The following POLQ variants were observed in gnomAD, a reference collection of about 807,000 sequenced individuals.
POLQ encodes the protein epididymis secretory sperm binding protein.
In POLQ, 233 loss-of-function variants were observed where a neutral mutation model predicts 259.2. The observed-to-expected ratio is 0.90, with a 90% CI of 0.81 to 1.00. The LOEUF is 1.00. Among genes scored for constraint, POLQ ranks in the 50% least tolerant of loss-of-function variants. The pLI, the probability that POLQ is intolerant of heterozygous loss-of-function variation, is 0.00. For missense variants in POLQ, 2,871 were observed against 3,051.6 expected, an observed-to-expected ratio of 0.94 and a Z score of 1.39; for synonymous variants, 1,025 against 1,048.8, an observed-to-expected ratio of 0.98 and a Z score of 0.44.
chr3:121,460,488 T>G (rs2047783138), intron 24 of POLQ, among the ~76,000 whole-genome samples: 1 of 152,058 alleles, frequency 6.6e-6, no homozygotes, highest in Non-Finnish European at 1.5e-5. Context: ...CACCGTGGAG[T>G]GTGTTCCTCA....
At chr3:121,449,550 C>CTTT in intron 25 of POLQ, 124 bp from the exon 26 acceptor site, 1 of 679,716 alleles carries the variant, frequency 1.5e-6, no homozygotes. Flanking sequence ...GATTAGATTG[C>CTTT]TTTTGGTGGG....
At chr3:121,479,362 A>ATGTGTGTGTGTGTG (rs71133538) in intron 19 of POLQ, among the ~76,000 whole-genome samples, 12 of 142,696 alleles carry the variant, frequency 8.4e-5, no homozygotes, top group East Asian at 2.1e-4. Flanking sequence ...AAAAAAAAAA[A>ATGTGTGTGTGTGTG]TGTGTGTGTG....
In POLQ at chr3:121,485,184, G is replaced by A. The variant is rs746854414; in HGVS notation, c.5630C>T (p.Ala1877Val). 19 of 1,573,312 alleles carry A rather than the reference G, an allele frequency of 1.2e-5. No individual in the cohort carries two copies. The African/African-American group carries it at 1.9e-4, about 16-fold the overall frequency. ...TATIGSRFKQ[A>V]SSPQEIPIRD... ...AATAGGAATTTCCTGAGGTGAGCTA[G>A]CTAAGTAAAACAAAAGTGAAACAGT... Residue 1877 changes from alanine to valine, a missense_variant and splice_region_variant, in exon 17 of 30, where the codon GCT becomes GTT. By Grantham distance (64) the Ala-to-Val change is moderately conservative. This residue lies in a region of POLQ where 2,080 missense variants were observed against 2,126.0 expected (regional missense o/e 0.98). Transcript: ENST00000264233.
intron 26 of POLQ, among the ~76,000 whole-genome samples, chr3:121,446,586 T>C (rs1165155544): frequency 6.6e-6 from 1 of 152,194 alleles, no homozygotes; most frequent in Non-Finnish European, 1.5e-5. Context: ...GCTCTAATGA[T>C]ATTTGCTTTA....
chr3:121,487,336 A>G lies in POLQ; in HGVS notation c.5595T>C (p.Ser1865=), dbSNP rs1445206227. The G allele has an allele frequency of 1.9e-6, 3 of 1,608,266 alleles. No homozygotes were observed. The highest frequency in any genetic ancestry group is 1.7e-5 in the Admixed American group (1 of 58,834). Residue 1865 remains serine (S), a synonymous_variant, in exon 16 of 30, where the codon TCT becomes TCC. Transcript: ENST00000264233. ...ACCTACTGCCAATAGTAGCAGTTTT[A>G]GAAGATGTCAAACTTCTAATCTTTT... ...ACEKIRSLTS[S]KTATIGSRFK... is the part of the protein sequence containing the mutation.
chr3:121,515,053 CA>C (rs2048285148), intron 9 of POLQ, among the ~76,000 whole-genome samples: 1 of 152,176 alleles, frequency 6.6e-6, no homozygotes, highest in Non-Finnish European at 1.5e-5. Context: ...TGTATTTTTG[CA>C]AAGTGCAGGG....
At chr3:121,522,987 C>T (rs754342856) in intron 7 of POLQ, among the ~76,000 whole-genome samples, 11 of 152,084 alleles carry the variant, frequency 7.2e-5, no homozygotes, top group Non-Finnish European at 1.5e-4. Flanking sequence ...TTAAATAGTA[C>T]CCTCTGTTTT....
In POLQ at chr3:121,473,026, C is replaced by T. The variant is rs368965323; in HGVS notation, c.6543+324G>A. Reference sequence around the variant, plus strand: ...ATCCCTTGAGGTCAGGAGTTCAAGACCAGCCTGGCCAACATGGTGAAACCC... The same window carrying T: ...ATCCCTTGAGGTCAGGAGTTCAAGATCAGCCTGGCCAACATGGTGAAACCC... On this transcript the variant is annotated intron_variant, in intron 21 of 29. Coordinates refer to ENST00000264233, the MANE Select transcript of POLQ (RefSeq NM_199420.4). 4.6e-5 allele frequency among the ~76,000 whole-genome samples: 7 copies of T among 152,294 alleles called. 1 individual carries two copies. The highest frequency in any genetic ancestry group is 1.4e-4 in the African/African-American group (6 of 41,566).
chr3:121,523,377 C>A (rs1287838815), intron 7 of POLQ, among the ~76,000 whole-genome samples: 1 of 152,050 alleles, frequency 6.6e-6, no homozygotes, highest in Admixed American at 6.6e-5. Context: ...TAAAAATTTT[C>A]CAGACTTTTG....
intron 25 of POLQ, among the ~76,000 whole-genome samples, chr3:121,455,541 A>T (rs1293489145): frequency 2.0e-5 from 3 of 151,708 alleles, no homozygotes; most frequent in African/African-American, 7.3e-5. Context: ...AAAAAAAAGG[A>T]TAAAGGGGAT....
chr3:121,509,988 C>G, intron 11 of POLQ, 51 bp downstream of exon 11: 1 of 1,402,264 alleles, frequency 7.1e-7, no homozygotes, highest in Non-Finnish European at 1.0e-6. Context: ...GTCATACAAC[C>G]TCACTAAAGA....
rs199726080 is a variant in POLQ, at chr3:121,537,161, C to T, written c.679G>A (p.Gly227Arg). The T allele has an allele frequency of 1.9e-6, 3 of 1,607,850 alleles. No individual in the cohort carries two copies. Among genetic ancestry groups the T allele is most frequent in the Non-Finnish European group, 2.6e-6 (3 of 1,174,492 alleles). Residue 227 changes from glycine to arginine, a missense_variant, in exon 5 of 30, where the codon GGG becomes AGG. Coordinates refer to ENST00000264233, the MANE Select transcript of POLQ (RefSeq NM_199420.4). ...ELHMLGDSHR[G>R]YLLELLLTKI... ...GTCAGCAAAAGTTCCAGCAGATACCCTCGGTGAGAGTCTCCCAGCATATGT... is the reference window on the plus strand; with the variant it reads ...GTCAGCAAAAGTTCCAGCAGATACCTTCGGTGAGAGTCTCCCAGCATATGT...
chr3:121,489,126 G>A lies in POLQ; in HGVS notation c.3805C>T (p.Leu1269Phe). 6.2e-7 allele frequency: 1 copy of A among 1,613,696 alleles called. No individual in the cohort carries two copies. The highest frequency in any genetic ancestry group is 8.5e-7 in the Non-Finnish European group (1 of 1,179,682). Reference protein sequence around the residue: ...ISRTVIPSEVLPSAGAFSKSE... With the variant: ...ISRTVIPSEVFPSAGAFSKSE... ...TTGCTAAATGCTCCAGCTGATGGAA[G>A]TACTTCACTGGGTATCACAGTTCTG... The change falls in exon 16 of 30, where the codon CTT becomes TTT. Residue 1269 changes from leucine (L) to phenylalanine (F), a missense_variant. By Grantham distance (22) the Leu-to-Phe change is conservative. This residue lies in a region of POLQ where 2,080 missense variants were observed against 2,126.0 expected (regional missense o/e 0.98). Transcript: ENST00000264233.
intron 25 of POLQ, among the ~76,000 whole-genome samples, chr3:121,450,395 G>C (rs542653428): frequency 6.7e-6 from 1 of 149,746 alleles, no homozygotes; most frequent in Non-Finnish European, 1.5e-5. Context: ...TATACTTTAA[G>C]TTCTAGGGTA....
At chr3:121,513,473 G>A (rs1309754292) in intron 9 of POLQ, among the ~76,000 whole-genome samples, 7 of 151,030 alleles carry the variant, frequency 4.6e-5, no homozygotes, top group East Asian at 2.0e-4. Context: ...ATGGTGGCAC[G>A]CACCTGTAGT....
rs376710254 is a variant in POLQ, at chr3:121,496,941, A to G, written c.2154-9T>C. On this transcript the variant is annotated splice_polypyrimidine_tract_variant and intron_variant, in intron 13 of 29. Transcript: ENST00000264233. ...CAAGACTGGTGAAAAACCTGGGAAT[A>G]AATCATCAAAAGCGTGGTAAGAGAT... 278 of 1,611,402 alleles carry G rather than the reference A, an allele frequency of 1.7e-4. No homozygotes were observed. The highest frequency in any genetic ancestry group is 2.0e-4 in the Non-Finnish European group (234 of 1,179,400).
chr3:121,529,733 T>C lies in POLQ; in HGVS notation c.1020A>G (p.Val340=). 4 of 1,611,824 alleles carry C rather than the reference T, an allele frequency of 2.5e-6. No individual in the cohort carries two copies. The highest frequency in any genetic ancestry group is 3.4e-6 in the Non-Finnish European group (4 of 1,178,156). Residue 340 remains valine, a synonymous_variant, in exon 7 of 30, where the codon GTA becomes GTG. Transcript: ENST00000264233. ...ATTTCTTTGATGGACAAAAAAGTAA[T>C]ACTGAATGGTTATCACAAATCGTCT... The part of the protein sequence containing the change: ...CYETICDNHS[V]LLFCPSKKWC...
chr3:121,538,685 T>C (rs2048467851), intron 4 of POLQ, among the ~76,000 whole-genome samples: 1 of 151,614 alleles, frequency 6.6e-6, no homozygotes, highest in Admixed American at 6.6e-5. Context: ...AACTCTCAAA[T>C]ATTTAAAGTC....
Position 121,487,882 on chromosome 3 carries a change from T to C in POLQ, c.5049A>G (p.Ser1683=). ...CCTGCACTTGTTTTGTCTCCAAGTT[T>C]GAAATAACTTCTTGTTCTTCATTTA... ...TELNEEQEVI[S]NLETKQVQGI... Residue 1683 remains serine (S), a synonymous_variant, in exon 16 of 30, where the codon TCA becomes TCG. Transcript: ENST00000264233. 6.2e-7 allele frequency: 1 copy of C among 1,609,956 alleles called. No individual in the cohort carries two copies. Among genetic ancestry groups the C allele is most frequent in the Non-Finnish European group, 8.5e-7 (1 of 1,178,366 alleles).
Sources: allele counts gnomAD v4.1 joint callset (sites outside exome capture counted in the v4.1 genomes callset), GRCh38; gene constraint gnomAD v4.1.1; regional missense constraint gnomAD v4.1.1; transcripts MANE v1.5; gene names NCBI Gene and HGNC (gene_info 2026-07-23, HGNC 2026-07-21).